Variants in HIGD1C observed in about 807,000 individuals in gnomAD.
HIGD1C encodes the protein HIG1 hypoxia inducible domain family member 1C.
Under a neutral mutation model 13.1 loss-of-function variants are expected in HIGD1C, and 11 were observed. The observed-to-expected ratio is 0.84, with a 90% CI of 0.53 to 1.39. The LOEUF is 1.39. HIGD1C is among the 40% of genes most tolerant of loss of function. HIGD1C has a pLI of 0.00. For synonymous variants in HIGD1C, 36 were observed against 37.7 expected (o/e 0.95, Z 0.17); for missense variants, 110 against 112.0 (o/e 0.98, Z 0.08).
rs34526248 is a variant in HIGD1C, at chr12:50,962,232, T to TACACACAC, written c.229+1148_229+1155dup. ...AAAACCCCATCTCTACTAAAAAAAT[T>TACACACAC]ACACACACACACACACACACACACA... is the stretch of plus-strand genomic sequence containing the variant. On this transcript the variant is annotated intron_variant, in intron 2 of 2. Transcript: ENST00000398455. Among the ~76,000 whole-genome samples the TACACACAC allele has an allele frequency of 5.4e-3, 784 of 146,292 alleles. 8 individuals carry two copies. Among genetic ancestry groups the TACACACAC allele is most frequent in the African/African-American group, 0.019 (739 of 39,614 alleles).
upstream of HIGD1C, among the ~76,000 whole-genome samples, chr12:50,953,227 G>A (rs570589757): frequency 2.0e-4 from 31 of 152,306 alleles, no homozygotes; most frequent in African/African-American, 6.7e-4. Flanking sequence ...GGAACAACAG[G>A]AGACAGACAG....
At chr12:50,959,307 T>C (rs10876123) in intron 1 of HIGD1C, among the ~76,000 whole-genome samples, 72,077 of 151,494 alleles carry the variant, frequency 0.48, 18,112 homozygotes, top group South Asian at 0.65. Context: ...TTAGTAGAGA[T>C]GGGGGTTTCT....
At chr12:50,971,125 C>T (rs191572256), downstream of HIGD1C, among the ~76,000 whole-genome samples, 1 of 152,260 alleles carries the variant, frequency 6.6e-6, no homozygotes, top group African/African-American at 2.4e-5. Context: ...GGTGATTCAC[C>T]CACATTGGCT....
chr12:50,954,917 T>A (rs189538627), intron 1 of HIGD1C, among the ~76,000 whole-genome samples: 16 of 152,298 alleles, frequency 1.1e-4, no homozygotes, highest in African/African-American at 3.8e-4. Context: ...TTTTGGCTGC[T>A]CAGTGGCCCT....
chr12:50,964,469 T>C (rs66518563), intron 2 of HIGD1C, among the ~76,000 whole-genome samples: 27,862 of 152,076 alleles, frequency 0.18, 2,916 homozygotes, highest in East Asian at 0.5. Context: ...CTAAAAGATA[T>C]AATGCATTCC....
At chr12:50,943,351 C>T in the HIGD1C span, among the ~76,000 whole-genome samples, 1 of 152,150 alleles carries the variant, frequency 6.6e-6, no homozygotes, top group African/African-American at 2.4e-5. Flanking sequence ...CCCATATCCT[C>T]CCTTCATCTG....
chr12:50,934,264 A>G, the HIGD1C span, among the ~76,000 whole-genome samples: 1 of 152,266 alleles, frequency 6.6e-6, no homozygotes, highest in Admixed American at 6.5e-5. Flanking sequence ...CAACAAAGAA[A>G]GTAAAAGACA....
intron 2 of HIGD1C, among the ~76,000 whole-genome samples, chr12:50,967,732 T>C (rs1939593863): frequency 6.6e-6 from 1 of 152,194 alleles, no homozygotes; most frequent in South Asian, 2.1e-4. Context: ...GAACCTATCA[T>C]GCTGGTTCTG....
At chr12:50,942,346 C>T in the HIGD1C span, among the ~76,000 whole-genome samples, 2 of 152,144 alleles carry the variant, frequency 1.3e-5, no homozygotes, top group African/African-American at 4.8e-5. Flanking sequence ...CCTAGCTCTC[C>T]CCCTCTCACT....
the HIGD1C span, among the ~76,000 whole-genome samples, chr12:50,934,202 A>G: frequency 6.6e-6 from 1 of 152,180 alleles, no homozygotes; most frequent in Non-Finnish European, 1.5e-5. Flanking sequence ...CCTATGGGAG[A>G]TCATATAGTA....
chr12:50,958,650 A>G (rs554886663), intron 1 of HIGD1C, among the ~76,000 whole-genome samples: 22 of 152,052 alleles, frequency 1.4e-4, no homozygotes, highest in Non-Finnish European at 4.4e-5. Context: ...GGCTTACTAT[A>G]TTGCTACAGT....
chr12:50,946,908 T>TA, the HIGD1C span, among the ~76,000 whole-genome samples: 1 of 151,972 alleles, frequency 6.6e-6, no homozygotes, highest in African/African-American at 2.4e-5. Flanking sequence ...TAAAGTATAA[T>TA]AAAAAATAAA....
chr12:50,965,152 C>T (rs1939493151), intron 2 of HIGD1C, among the ~76,000 whole-genome samples: 1 of 152,060 alleles, frequency 6.6e-6, no homozygotes, highest in Non-Finnish European at 1.5e-5. Context: ...CTTGCTCTGT[C>T]ACCCAAGTTG....
chr12:50,931,238 TTC>T, the HIGD1C span: 1 of 152,128 alleles, frequency 6.6e-6, no homozygotes, highest in Non-Finnish European at 1.5e-5. Context: ...TAATTTTATC[TTC>T]TCTTTGAGAG....
chr12:50,966,314 AG>A (rs1939540785), intron 2 of HIGD1C, among the ~76,000 whole-genome samples: 1 of 152,190 alleles, frequency 6.6e-6, no homozygotes, highest in African/African-American at 2.4e-5. Context: ...GGAGTGGGTA[AG>A]CAGGATAAAT....
chr12:50,951,725 G>A (rs1206314263), upstream of HIGD1C, among the ~76,000 whole-genome samples: 1 of 151,946 alleles, frequency 6.6e-6, no homozygotes, highest in Non-Finnish European at 1.5e-5. Context: ...TTTGAGACCA[G>A]CCCGACCAAC....
intron 2 of HIGD1C, among the ~76,000 whole-genome samples, chr12:50,962,236 C>A (rs925986296): frequency 1.3e-5 from 2 of 148,284 alleles, no homozygotes; most frequent in African/African-American, 2.5e-5. Context: ...AAAAATTACA[C>A]ACACACACAC....
chr12:50,932,396 A>G, the HIGD1C span: 22 of 152,316 alleles, frequency 1.4e-4, no homozygotes, highest in Admixed American at 1.2e-3. Flanking sequence ...ATTTTCTGCA[A>G]TGGTTTGTAG....
intron 1 of HIGD1C, among the ~76,000 whole-genome samples, chr12:50,956,531 A>G (rs1939103186): frequency 6.6e-6 from 1 of 152,204 alleles, no homozygotes; most frequent in South Asian, 2.1e-4. Context: ...TGGTTATCTT[A>G]AGCAACTTCC....
Sources: allele counts gnomAD v4.1 joint callset (sites outside exome capture counted in the v4.1 genomes callset), GRCh38; gene constraint gnomAD v4.1.1; transcripts MANE v1.5; gene names NCBI Gene and HGNC (gene_info 2026-07-23, HGNC 2026-07-21).